Variants in ARHGAP20 observed in about 807,000 individuals in gnomAD.
The protein encoded by ARHGAP20 is rho GTPase-activating protein 20.
ARHGAP20 carries 34 observed loss-of-function variants against 73.7 expected under a neutral mutation model. The ratio of observed to expected loss-of-function variants is 0.46; its 90% CI spans 0.35 to 0.61. The LOEUF is 0.61. ARHGAP20 is among the 20% of genes least tolerant of loss of function. ARHGAP20 has a pLI of 0.00. For synonymous variants in ARHGAP20, 523 were observed against 518.2 expected (o/e 1.01, Z -0.13); for missense variants, 1,314 against 1,420.9 (o/e 0.92, Z 1.21).
intron 12 of ARHGAP20, among the ~76,000 whole-genome samples, chr11:110,585,059 A>ATG (rs1332843943): frequency 1.3e-4 from 20 of 150,368 alleles, no homozygotes; most frequent in Non-Finnish European, 2.2e-4. Flanking sequence ...ATATATGAAT[A>ATG]TATGTGAACA....
chr11:110,658,233 C>A (rs1442394313), intron 2 of ARHGAP20, among the ~76,000 whole-genome samples: 1 of 152,178 alleles, frequency 6.6e-6, no homozygotes, highest in Non-Finnish European at 1.5e-5. Flanking sequence ...TGGAACACAT[C>A]TGTGCTGAAT....
chr11:110,589,776 AAAGT>A, intron 11 of ARHGAP20: 3 of 889,752 alleles, frequency 3.4e-6, no homozygotes, highest in Non-Finnish European at 4.0e-6. Context: ...AAGTGTGGTA[AAAGT>A]AAAGGAAAAC....
intron 6 of ARHGAP20, among the ~76,000 whole-genome samples, chr11:110,612,562 T>C (rs1229935102): frequency 6.6e-6 from 1 of 152,162 alleles, no homozygotes; most frequent in Non-Finnish European, 1.5e-5. Context: ...ACTTGCTACA[T>C]ACATAGGTTT....
At chr11:110,632,351 T>C (rs1591330149) in intron 2 of ARHGAP20, among the ~76,000 whole-genome samples, 2 of 152,198 alleles carry the variant, frequency 1.3e-5, no homozygotes, top group Non-Finnish European at 2.9e-5. Flanking sequence ...TTTGGTGTTA[T>C]CAATCTTTTG....
rs1467575457 is a variant in ARHGAP20 at position 110,690,560 on chromosome 11, G to T, written c.175C>A (p.Arg59=). The change falls in exon 2 of 15, where the codon CGG becomes AGG. Residue 59 remains arginine, a synonymous_variant. Coordinates refer to ENST00000683387, the MANE Select transcript of ARHGAP20 (RefSeq NM_001384657.1). ...SLILDKALQK[R]PTTRDSPSAS... is the part of the protein sequence containing the mutation. ...CTTTGCACTTACCTGGTAGTAGGCCGTTTTTGTAGGGCTTTATCCAGGATA... is the reference window on the plus strand; with the variant it reads ...CTTTGCACTTACCTGGTAGTAGGCCTTTTTTGTAGGGCTTTATCCAGGATA... 6.2e-7 allele frequency: 1 copy of T among 1,613,824 alleles called. No individual in the cohort carries two copies. The highest frequency in any genetic ancestry group is 8.5e-7 in the Non-Finnish European group (1 of 1,179,890).
intron 2 of ARHGAP20, among the ~76,000 whole-genome samples, chr11:110,655,765 C>CA (rs1565461450): frequency 6.6e-6 from 1 of 151,668 alleles, no homozygotes; most frequent in Admixed American, 6.6e-5. Flanking sequence ...CAGAGATGAC[C>CA]AAAAAAGAGG....
chr11:110,618,642 GTATATGCAGTGATAGCA>G (rs1565441289), intron 4 of ARHGAP20, among the ~76,000 whole-genome samples: 5 of 149,912 alleles, frequency 3.3e-5, no homozygotes, highest in East Asian at 1.9e-4. Flanking sequence ...CAGTGATAGC[GTATATGCAGTGATAGCA>G]TATATGCAGT....
Position 110,675,313 on chromosome 11 carries a change from A to G in ARHGAP20, c.188+15234T>C, listed in dbSNP as rs550172812. On this transcript the variant is annotated intron_variant, in intron 2 of 14. Transcript: ENST00000683387. ...TTCTAATCTGGTCCTTATTTACTGT[A>G]TTGGCCTCATTTCCTTTCTCAAAGT... is the stretch of plus-strand genomic sequence containing the variant. Among the ~76,000 whole-genome samples the G allele has an allele frequency of 3.3e-5, 5 of 152,304 alleles. No homozygotes were observed. In the East Asian group the frequency reaches 7.7e-4, roughly 23 times the overall value.
At chr11:110,703,663 T>C in intron 1 of ARHGAP20, among the ~76,000 whole-genome samples, 1 of 152,158 alleles carries the variant, frequency 6.6e-6, no homozygotes, top group Non-Finnish European at 1.5e-5. Flanking sequence ...TTATACATTA[T>C]TCTTTGTTTC....
intron 1 of ARHGAP20, among the ~76,000 whole-genome samples, chr11:110,702,636 T>C (rs940679179): frequency 2.0e-5 from 3 of 152,060 alleles, no homozygotes; most frequent in African/African-American, 4.8e-5. Context: ...TCTAGAAAAC[T>C]CCATTGTCTC....
At chr11:110,684,172 A>G (rs1191507938) in intron 2 of ARHGAP20, among the ~76,000 whole-genome samples, 1 of 152,148 alleles carries the variant, frequency 6.6e-6, no homozygotes, top group Non-Finnish European at 1.5e-5. Flanking sequence ...GAGTTAGAGG[A>G]GTTTTTGAAG....
At chr11:110,672,173 T>C (rs1949841431) in intron 2 of ARHGAP20, among the ~76,000 whole-genome samples, 2 of 152,156 alleles carry the variant, frequency 1.3e-5, no homozygotes, top group African/African-American at 4.8e-5. Flanking sequence ...TTAGACTTTA[T>C]CATAATTAAA....
At chr11:110,704,319 A>C (rs1329754577) in intron 1 of ARHGAP20, among the ~76,000 whole-genome samples, 1 of 152,180 alleles carries the variant, frequency 6.6e-6, no homozygotes, top group African/African-American at 2.4e-5. Flanking sequence ...CAGATCTTTG[A>C]TATGTGAGCT....
At position 110,578,645 on chromosome 11, in the gene ARHGAP20, C is replaced by T; in HGVS notation, c.*725G>A. 11 of 985,386 alleles carry T rather than the reference C, an allele frequency of 1.1e-5. No homozygotes were observed. The highest frequency in any genetic ancestry group is 1.2e-5 in the Non-Finnish European group (10 of 829,922). The allele number at this position is 985,386 out of a possible 1,614,324, so 61.0% of individuals were successfully genotyped here. ...ATGGGCAGCCATTTTCTTCTTTCTC[C>T]TCACAACTCTGTTTCCTGAAGCCTT... On this transcript the variant is annotated 3_prime_UTR_variant, in exon 15 of 15. Coordinates refer to ENST00000683387, the MANE Select transcript of ARHGAP20 (RefSeq NM_001384657.1).
chr11:110,679,599 G>A (rs1465948126), intron 2 of ARHGAP20, among the ~76,000 whole-genome samples: 1 of 152,172 alleles, frequency 6.6e-6, no homozygotes, highest in Non-Finnish European at 1.5e-5. Context: ...ACTGAAGTAT[G>A]CTTAGAATAA....
chr11:110,609,838 C>A (rs915260924), intron 7 of ARHGAP20, among the ~76,000 whole-genome samples: 7 of 152,076 alleles, frequency 4.6e-5, no homozygotes, highest in Admixed American at 1.3e-4. Context: ...TTCCACCCCC[C>A]ATACTCAGTT....
intron 1 of ARHGAP20, among the ~76,000 whole-genome samples, chr11:110,701,884 G>T (rs945205862): frequency 2.0e-5 from 3 of 152,062 alleles, no homozygotes; most frequent in Non-Finnish European, 4.4e-5. Context: ...TCAAAGATCA[G>T]ATAGTTGTAG....
Position 110,614,425 on chromosome 11 carries a change from G to A in ARHGAP20, c.630+136C>T. ...CCAGGAAAATGCATTTTCCCCCTGTGGTATTTCTAAATGCCTACCTTCCAT... is the reference window on the plus strand; with the variant it reads ...CCAGGAAAATGCATTTTCCCCCTGTAGTATTTCTAAATGCCTACCTTCCAT... On this transcript the variant is annotated intron_variant, in intron 6 of 14. Transcript: ENST00000683387. The A allele has an allele frequency of 1.5e-5, 10 of 678,738 alleles. No homozygotes were observed. The South Asian group carries it at 1.9e-4, about 13-fold the overall frequency. 42.0% of individuals were successfully genotyped at this position (678,738 alleles called of 1,614,324 possible).
chr11:110,589,315 G>T, intron 11 of ARHGAP20: 1 of 824,194 alleles, frequency 1.2e-6, no homozygotes, highest in Non-Finnish European at 1.5e-6. Flanking sequence ...TCTCTTGCAT[G>T]ATATCTAATT....
Sources: allele counts gnomAD v4.1 joint callset (sites outside exome capture counted in the v4.1 genomes callset), GRCh38; gene constraint gnomAD v4.1.1; transcripts MANE v1.5; gene names NCBI Gene and HGNC (gene_info 2026-07-23, HGNC 2026-07-21).